Variants in XXYLT1 observed in about 807,000 individuals in gnomAD.
XXYLT1 encodes xyloside xylosyltransferase 1.
XXYLT1 carries 20 observed loss-of-function variants against 28.9 expected under a neutral mutation model. The observed-to-expected ratio is 0.69, with a 90% CI of 0.49 to 1.00. The LOEUF (loss-of-function observed/expected upper bound fraction) is 1.00. Among genes scored for constraint, XXYLT1 ranks in the 50% least tolerant of loss-of-function variants. XXYLT1 has a pLI of 0.00. For missense variants in XXYLT1, 542 were observed against 560.1 expected, an observed-to-expected ratio of 0.97 and a Z score of 0.33; for synonymous variants, 257 against 253.8, an observed-to-expected ratio of 1.01 and a Z score of -0.12.
Position 195,256,379 on chromosome 3 carries a change from G to T in XXYLT1, c.504+14176C>A. On this transcript the variant is annotated intron_variant, in intron 1 of 3. Coordinates refer to ENST00000310380, the MANE Select transcript of XXYLT1 (RefSeq NM_152531.5). This position sits in a 1 kb window ranked among gnomAD's most constrained non-coding sequence, Gnocchi z 4.2. ...TGACGATAAACCTGAGACAGCTCTG[G>T]TCATTCCAAGTCCCTCGCCCTCATG... 1 of 603,276 alleles carries T rather than the reference G, an allele frequency of 1.7e-6. No homozygotes were observed. The highest frequency in any genetic ancestry group is 2.1e-6 in the Non-Finnish European group (1 of 481,132). 37.4% of individuals were successfully genotyped at this position (603,276 alleles called of 1,614,324 possible).
Position 195,271,084 on chromosome 3 carries a change from G to T in XXYLT1, c.-26C>A. 7.6e-7 allele frequency: 1 copy of T among 1,313,570 alleles called. No homozygotes were observed. The highest frequency in any genetic ancestry group is 4.1e-5 in the Admixed American group (1 of 24,218). The allele number at this position is 1,313,570 out of a possible 1,614,324, so 81.4% of individuals were successfully genotyped here. A position where few individuals can be genotyped will look rare whatever the true frequency, so the allele number is the denominator to read the frequency against. ...GCGCTACGAGACCGCGGCGCCAGCG[G>T]TGCCAGCAACGCGGGAGAGCCCTCG... On this transcript the variant is annotated 5_prime_UTR_variant, in exon 1 of 4. Coordinates refer to ENST00000310380, the MANE Select transcript of XXYLT1 (RefSeq NM_152531.5).
chr3:195,112,205 C>G (rs1226421468), intron 3 of XXYLT1, among the ~76,000 whole-genome samples: 2 of 152,182 alleles, frequency 1.3e-5, no homozygotes, highest in African/African-American at 4.8e-5. Context: ...CTCAGCGACA[C>G]CTGGGCAAAA....
Position 195,070,061 on chromosome 3 carries a change from C to T in XXYLT1, c.836G>A (p.Gly279Asp). ...RHENPQTRVG[G>D]PPPEGLPGFN... ...GCCCGGCAGCCCCTCGGGGGGCGGG[C>T]CCCCAACCCGGGTCTGGGGGTTCTC... Residue 279 changes from glycine (G) to aspartate (D), a missense_variant, in exon 4 of 4, where the codon GGC becomes GAC. Physicochemically the swap from Gly to Asp is moderately conservative, Grantham distance 94. Coordinates refer to ENST00000310380, the MANE Select transcript of XXYLT1 (RefSeq NM_152531.5). 1.9e-6 allele frequency: 3 copies of T among 1,594,304 alleles called. No individual in the cohort carries two copies. Among genetic ancestry groups the T allele is most frequent in the East Asian group, 2.2e-5 (1 of 44,852 alleles).
At chr3:195,132,496 C>T (rs963944447) in intron 3 of XXYLT1, among the ~76,000 whole-genome samples, 1 of 152,060 alleles carries the variant, frequency 6.6e-6, no homozygotes, top group South Asian at 2.1e-4. Flanking sequence ...AAAATAAGTG[C>T]TTAGAACAGT....
At chr3:195,128,803 T>C (rs1226705279) in intron 3 of XXYLT1, among the ~76,000 whole-genome samples, 2 of 152,214 alleles carry the variant, frequency 1.3e-5, no homozygotes, top group African/African-American at 4.8e-5. Flanking sequence ...TTGTATAAGC[T>C]CCTTGAAGGT....
At chr3:195,245,051 A>G (rs1724960668) in intron 1 of XXYLT1, among the ~76,000 whole-genome samples, 1 of 150,780 alleles carries the variant, frequency 6.6e-6, no homozygotes, top group African/African-American at 2.4e-5. Context: ...CTGTAATCCC[A>G]GCTACTCAGG....
At chr3:195,175,942 G>A in intron 2 of XXYLT1, 1 of 1,375,254 alleles carries the variant, frequency 7.3e-7, no homozygotes, top group Non-Finnish European at 9.4e-7. Context: ...AGTCATGTTT[G>A]TTATTACAGC....
intron 1 of XXYLT1, among the ~76,000 whole-genome samples, chr3:195,236,533 C>T (rs1724553997): frequency 1.3e-5 from 2 of 151,478 alleles, no homozygotes; most frequent in Non-Finnish European, 2.9e-5. Flanking sequence ...GAAATGCTAT[C>T]CCAGAGCCAA....
intron 3 of XXYLT1, among the ~76,000 whole-genome samples, chr3:195,152,005 A>G (rs1342621677): frequency 6.6e-6 from 1 of 152,194 alleles, no homozygotes; most frequent in Admixed American, 6.5e-5. Flanking sequence ...AGAGATATGT[A>G]TCCCACTTAC....
chr3:195,086,309 C>T lies in XXYLT1; in HGVS notation c.786-16198G>A, dbSNP rs139785504. On this transcript the variant is annotated intron_variant, in intron 3 of 3. Transcript: ENST00000310380. Reference sequence around the variant, plus strand: ...TAGGTTGGATCAAGGAGCATCATTACGACGGCTTTATCAGAACTGTCTGCT... The same window carrying T: ...TAGGTTGGATCAAGGAGCATCATTATGACGGCTTTATCAGAACTGTCTGCT... Among the ~76,000 whole-genome samples the T allele has an allele frequency of 2.6e-3, 401 of 152,322 alleles. 2 individuals carry two copies. Among genetic ancestry groups the T allele is most frequent in the African/African-American group, 9.1e-3 (379 of 41,572 alleles).
At chr3:195,223,089 C>T (rs1723899667) in intron 2 of XXYLT1, among the ~76,000 whole-genome samples, 1 of 151,632 alleles carries the variant, frequency 6.6e-6, no homozygotes, top group Admixed American at 6.6e-5. Context: ...AAAAATTAGC[C>T]GGACATGGTG....
intron 3 of XXYLT1, among the ~76,000 whole-genome samples, chr3:195,127,729 A>T (rs890353315): frequency 2.6e-5 from 4 of 151,988 alleles, no homozygotes; most frequent in African/African-American, 9.7e-5. Flanking sequence ...GTAAGCCATG[A>T]TCATGCCACT....
intron 3 of XXYLT1, among the ~76,000 whole-genome samples, chr3:195,095,067 G>C (rs904765469): frequency 6.6e-6 from 1 of 152,200 alleles, no homozygotes; most frequent in African/African-American, 2.4e-5. Context: ...TGATACCAAC[G>C]CTACTGGTCT....
chr3:195,252,058 A>G (rs936674426), intron 1 of XXYLT1, among the ~76,000 whole-genome samples: 2 of 152,270 alleles, frequency 1.3e-5, no homozygotes, highest in African/African-American at 4.8e-5. Context: ...TCCATGTATC[A>G]GCAAAGATAA....
intron 2 of XXYLT1, among the ~76,000 whole-genome samples, chr3:195,198,758 G>A (rs971050328): frequency 7.2e-5 from 11 of 152,062 alleles, no homozygotes; most frequent in Admixed American, 3.9e-4. Context: ...CCAGAGAACC[G>A]TTCTACAGTG....
At chr3:195,096,133 C>T (rs1033324696) in intron 3 of XXYLT1, 3 of 152,362 alleles carry the variant, frequency 2.0e-5, no homozygotes, top group African/African-American at 7.2e-5. Flanking sequence ...CACGGCTCTC[C>T]ACACACAGAC....
chr3:195,148,516 C>A lies in XXYLT1; in HGVS notation c.785+7933G>T, dbSNP rs1045443416. On this transcript the variant is annotated intron_variant, in intron 3 of 3. Transcript: ENST00000310380. ...CAGGTGTCAGAGAGACGAAAAGAAC[C>A]CAATAGCTTTTATCTTCAAGTCCTA... Among the ~76,000 whole-genome samples, 15 of 152,132 alleles carry A rather than the reference C, an allele frequency of 9.9e-5. No homozygotes were observed. The South Asian group carries it at 3.1e-3, about 32-fold the overall frequency.
rs938622226 is a variant in XXYLT1, at chr3:195,255,924, C to A, written c.504+14631G>T. On this transcript the variant is annotated intron_variant, in intron 1 of 3. Transcript: ENST00000310380. This position sits in a 1 kb window ranked among gnomAD's most constrained non-coding sequence, Gnocchi z 4.5. ...GTAAATCCCACCTCCTAGAAAGAGG[C>A]TCCCTGCTGTTCTATGGGCAGCTCC... Among the ~76,000 whole-genome samples, 2 of 152,186 alleles carry A rather than the reference C, an allele frequency of 1.3e-5. No individual in the cohort carries two copies. The highest frequency in any genetic ancestry group is 4.8e-5 in the African/African-American group (2 of 41,448).
chr3:195,211,641 AC>A (rs1180373778), intron 2 of XXYLT1, among the ~76,000 whole-genome samples: 1 of 152,178 alleles, frequency 6.6e-6, no homozygotes, highest in Non-Finnish European at 1.5e-5. Flanking sequence ...ATCAAAACAA[AC>A]AAAAAAAAGC....
Sources: gnomAD v4.1 joint callset for allele counts (sites outside exome capture counted in the v4.1 genomes callset) on GRCh38, gnomAD v4.1.1 for gene constraint, Gnocchi (gnomAD v3.1) non-coding constraint, MANE v1.5 for transcripts, NCBI Gene and HGNC (gene_info 2026-07-23, HGNC 2026-07-21) for gene names.